MAP2: variants seen among roughly 807,000 people sequenced by gnomAD.
The protein encoded by MAP2 is microtubule-associated protein 2.
In MAP2, 14 loss-of-function variants were observed where a neutral mutation model predicts 137.6. That is an observed-to-expected ratio of 0.10 (90% confidence interval 0.07 to 0.16). The LOEUF is 0.16. Ranked by LOEUF, MAP2 falls within the 10% of genes least tolerant of loss-of-function variation. The probability of loss-of-function intolerance (pLI) is 1.00; values close to 1 mark genes in which losing one functional copy is unlikely to be tolerated. For synonymous variants in MAP2, 786 were observed against 782.3 expected, an observed-to-expected ratio of 1.00 and a Z score of -0.08; for missense variants, 2,088 against 2,191.5, an observed-to-expected ratio of 0.95 and a Z score of 0.94.
In MAP2 at chr2:209,694,576, G is replaced by A; in HGVS notation, c.2406G>A (p.Met802Ile). ...ATTTTTACAAAAATGGTACTGTCATGGCACCTGACCTTCCTGAAATGCTAG... is the reference window on the plus strand; with the variant it reads ...ATTTTTACAAAAATGGTACTGTCATAGCACCTGACCTTCCTGAAATGCTAG... ...AKDFYKNGTV[M>I]APDLPEMLDL... The change falls in exon 8 of 16, where the codon ATG becomes ATA. Residue 802 changes from methionine to isoleucine, a missense_variant. This residue lies in a region of MAP2 where 500 missense variants were observed against 482.9 expected (regional missense o/e 1.04). Coordinates refer to ENST00000682079, the MANE Select transcript of MAP2 (RefSeq NM_001375505.1). 6.2e-7 allele frequency: 1 copy of A among 1,614,022 alleles called. No homozygotes were observed. The highest frequency in any genetic ancestry group is 8.5e-7 in the Non-Finnish European group (1 of 1,179,936).
At chr2:209,635,155 C>G (rs935675650) in intron 4 of MAP2, among the ~76,000 whole-genome samples, 2 of 152,058 alleles carry the variant, frequency 1.3e-5, no homozygotes, top group Non-Finnish European at 2.9e-5. Flanking sequence ...TATAGAAATA[C>G]TCATTGTTTC....
At chr2:209,445,060 T>C (rs1243910447) in intron 1 of MAP2, among the ~76,000 whole-genome samples, 3 of 151,660 alleles carry the variant, frequency 2.0e-5, no homozygotes, top group Non-Finnish European at 4.4e-5. Context: ...TGTAATTCTC[T>C]TGAAATTAAA....
chr2:209,628,477 TATC>T, intron 4 of MAP2, among the ~76,000 whole-genome samples: 1 of 152,286 alleles, frequency 6.6e-6, no homozygotes, highest in East Asian at 1.9e-4. Context: ...TCCAGGATCT[TATC>T]ATGCCTTATC....
chr2:209,427,534 C>T (rs1692910176), intron 1 of MAP2, among the ~76,000 whole-genome samples: 1 of 152,094 alleles, frequency 6.6e-6, no homozygotes, highest in Non-Finnish European at 1.5e-5. Flanking sequence ...ACCATATTTT[C>T]CCTCCCTTCA....
intron 1 of MAP2, among the ~76,000 whole-genome samples, chr2:209,430,532 T>G (rs896578053): frequency 6.6e-6 from 1 of 152,184 alleles, no homozygotes; most frequent in African/African-American, 2.4e-5. Context: ...ACCAAGTATT[T>G]ATTAATGAAA....
chr2:209,619,020 T>C (rs1216476527), intron 3 of MAP2, among the ~76,000 whole-genome samples: 1 of 152,134 alleles, frequency 6.6e-6, no homozygotes, highest in African/African-American at 2.4e-5. Context: ...TAAGACAGAC[T>C]CAGAAAGACA....
At chr2:209,634,612 G>C (rs2093397037) in intron 4 of MAP2, among the ~76,000 whole-genome samples, 2 of 152,064 alleles carry the variant, frequency 1.3e-5, no homozygotes, top group African/African-American at 4.8e-5. Context: ...CTAATCGCAA[G>C]GGAAGTTAAG....
intron 1 of MAP2, among the ~76,000 whole-genome samples, chr2:209,425,845 G>A (rs1325048771): frequency 6.6e-6 from 1 of 152,128 alleles, no homozygotes; most frequent in Non-Finnish European, 1.5e-5. Context: ...TTTATGCCCA[G>A]GGAAAAGATT....
chr2:209,495,198 G>C (rs1167853673), intron 1 of MAP2, among the ~76,000 whole-genome samples: 1 of 152,326 alleles, frequency 6.6e-6, no homozygotes, highest in Admixed American at 6.5e-5. Context: ...GGGGCTTGTG[G>C]ATAAAACTCC....
chr2:209,564,684 T>TA (rs2073013967), intron 2 of MAP2, among the ~76,000 whole-genome samples: 1 of 151,988 alleles, frequency 6.6e-6, no homozygotes, highest in South Asian at 2.1e-4. Flanking sequence ...CATAACCTGT[T>TA]ATGGTGGTGG....
rs761656147 is a variant in MAP2, at chr2:209,534,048, A to C, written c.-172+26407A>C. 2.5e-4 allele frequency among the ~76,000 whole-genome samples: 38 copies of C among 152,202 alleles called. 3 individuals carry two copies. Among genetic ancestry groups the C allele is most frequent in the Non-Finnish European group, 2.9e-5 (2 of 68,030 alleles). On this transcript the variant is annotated intron_variant, in intron 2 of 15. Coordinates refer to ENST00000682079, the MANE Select transcript of MAP2 (RefSeq NM_001375505.1). ...CCGTCCAGCAGCCTGGCTACCCCAA[A>C]GGGCTATGCAAAATACCAAGACCTG...
chr2:209,689,620 A>G (rs2058246720), intron 7 of MAP2, among the ~76,000 whole-genome samples: 1 of 152,120 alleles, frequency 6.6e-6, no homozygotes, highest in African/African-American at 2.4e-5. Flanking sequence ...TAACTTTTTT[A>G]TGTGATATAC....
In MAP2 at chr2:209,436,031, T is replaced by C. The variant is rs1355070564; in HGVS notation, c.-222+11755T>C. 1.7e-3 allele frequency among the ~76,000 whole-genome samples: 121 copies of C among 70,398 alleles called. No homozygotes were observed. The East Asian group carries it at 0.021, about 13-fold the overall frequency. 46.2% of individuals were successfully genotyped at this position (70,398 alleles called of 152,430 possible). ...CAGTATATATTATATATAAAATATA[T>C]ATATATGTACTGGCCTTGGAAAATA... On this transcript the variant is annotated intron_variant, in intron 1 of 15. Transcript: ENST00000682079.
At chr2:209,636,234 G>A (rs540108939) in intron 4 of MAP2, among the ~76,000 whole-genome samples, 4 of 152,216 alleles carry the variant, frequency 2.6e-5, no homozygotes, top group Non-Finnish European at 5.9e-5. Context: ...GAGTGCCAAA[G>A]CTTGAGTCAT....
At chr2:209,493,826 C>G (rs932094524) in intron 1 of MAP2, among the ~76,000 whole-genome samples, 1 of 152,182 alleles carries the variant, frequency 6.6e-6, no homozygotes, top group Non-Finnish European at 1.5e-5. Context: ...TGCTTTTACA[C>G]TGTTGGTGGG....
intron 13 of MAP2, among the ~76,000 whole-genome samples, chr2:209,718,088 ACT>A (rs1333362188): frequency 3.3e-5 from 5 of 152,132 alleles, no homozygotes; most frequent in African/African-American, 9.7e-5. Context: ...TAAGATCAGG[ACT>A]CTGTCTTTAT....
In MAP2 at chr2:209,693,715, A is replaced by G. The variant is rs756011974; in HGVS notation, c.1545A>G (p.Lys515=). ...TTACAGATTCAGCCATGACCTCTAA[A>G]ACACTGGAGAAAGCCATGACCGAAC... is the stretch of plus-strand genomic sequence containing the variant. ...QAVTDSAMTS[K]TLEKAMTEPS... Residue 515 remains lysine, a synonymous_variant, in exon 8 of 16, where the codon AAA becomes AAG. Coordinates refer to ENST00000682079, the MANE Select transcript of MAP2 (RefSeq NM_001375505.1). 5.1e-5 allele frequency: 83 copies of G among 1,613,188 alleles called. No individual in the cohort carries two copies. The highest frequency in any genetic ancestry group is 7.0e-5 in the Non-Finnish European group (83 of 1,179,842).
chr2:209,504,183 G>C (rs1286020410), intron 1 of MAP2, among the ~76,000 whole-genome samples: 2 of 151,918 alleles, frequency 1.3e-5, no homozygotes, highest in Non-Finnish European at 2.9e-5. Flanking sequence ...CACTGGAAGA[G>C]GGACAAGTAA....
chr2:209,500,609 G>A (rs903059433), intron 1 of MAP2, among the ~76,000 whole-genome samples: 1 of 150,996 alleles, frequency 6.6e-6, no homozygotes, highest in Non-Finnish European at 1.5e-5. Flanking sequence ...TTTTTCCATC[G>A]TGGCTTTTTG....
Sources: allele counts gnomAD v4.1 joint callset (sites outside exome capture counted in the v4.1 genomes callset), GRCh38; gene constraint gnomAD v4.1.1; regional missense constraint gnomAD v4.1.1; transcripts MANE v1.5; gene names NCBI Gene and HGNC (gene_info 2026-07-23, HGNC 2026-07-21).